The following CARD14 variants were observed in gnomAD, a reference collection of about 807,000 sequenced individuals.
CARD14 encodes caspase recruitment domain family member 14, also known as caspase recruitment domain-containing protein 14.
Under a neutral mutation model 111.5 loss-of-function variants are expected in CARD14, and 107 were observed. The observed-to-expected ratio is 0.96, with a 90% CI of 0.82 to 1.13. The LOEUF (loss-of-function observed/expected upper bound fraction) is 1.13. CARD14 is among the 50% of genes most tolerant of loss of function. The pLI is 0.00. For missense variants in CARD14, 1,322 were observed against 1,362.3 expected (o/e 0.97, Z 0.47); for synonymous variants, 617 against 579.6 (o/e 1.06, Z -0.93).
intron 14 of CARD14, among the ~76,000 whole-genome samples, chr17:80,197,787 A>G (rs73440136): frequency 0.012 from 1,795 of 152,312 alleles, 32 homozygotes; most frequent in African/African-American, 0.041. Flanking sequence ...ACAAAATAGC[A>G]TGTGGTGGTC....
intron 19 of CARD14, 162 bp downstream of exon 19, chr17:80,204,047 C>T: frequency 1.3e-6 from 1 of 796,522 alleles, no homozygotes; most frequent in Non-Finnish European, 2.0e-6. Flanking sequence ...GCAGGGTCTG[C>T]AGCCCCTGCC....
At chr17:80,171,889 G>T (rs1274534741) in intron 1 of CARD14, among the ~76,000 whole-genome samples, 1 of 152,174 alleles carries the variant, frequency 6.6e-6, no homozygotes, top group Non-Finnish European at 1.5e-5. Flanking sequence ...AGGGGCAGAG[G>T]GACAATCCAA....
At chr17:80,175,165 A>G (rs2039996953) in intron 2 of CARD14, among the ~76,000 whole-genome samples, 1 of 150,914 alleles carries the variant, frequency 6.6e-6, no homozygotes, top group African/African-American at 2.4e-5. Context: ...TTTTGTAGAG[A>G]CAGGGTTTCG....
At chr17:80,173,690 C>A (rs909323971) in intron 2 of CARD14, among the ~76,000 whole-genome samples, 2 of 151,784 alleles carry the variant, frequency 1.3e-5, no homozygotes, top group African/African-American at 4.8e-5. Flanking sequence ...CCTCTGCCTC[C>A]CAGGTTCAAG....
At position 80,205,898 on chromosome 17, in the gene CARD14, A is replaced by G. The variant is rs572408322; in HGVS notation, c.2691+246A>G. 4 of 421,550 alleles carry G rather than the reference A, an allele frequency of 9.5e-6. No homozygotes were observed. In the South Asian group the frequency reaches 2.1e-4, roughly 22 times the overall value. 26.1% of individuals were successfully genotyped at this position (421,550 alleles called of 1,614,324 possible). ...TTCCTCAGCTTGGGGGATGTTTAAT[A>G]GATATTTGTTCGAGAATGAATAAAT... On this transcript the variant is annotated intron_variant, in intron 22 of 23. Transcript: ENST00000648509.
At chr17:80,204,878 TG>T in intron 20 of CARD14, 156 bp from the exon 21 acceptor site, 1 of 628,504 alleles carries the variant, frequency 1.6e-6, no homozygotes, top group Non-Finnish European at 2.7e-6. Flanking sequence ...GCTATGGAAC[TG>T]GGAGTGAGTC....
rs140526773 is a variant in CARD14, at chr17:80,187,698, G to A, written c.676-679G>A. 2,642 of 965,032 alleles carry A rather than the reference G, an allele frequency of 2.7e-3. 1 individual carries two copies. The highest frequency in any genetic ancestry group is 3.6e-3 in the Admixed American group (59 of 16,254). 59.8% of individuals were successfully genotyped at this position (965,032 alleles called of 1,614,324 possible). A position where few individuals can be genotyped will look rare whatever the true frequency, so the allele number is the denominator to read the frequency against. ...CCCACCCCGACGTGCAGACTTCCCG[G>A]GCTTGCCTCACGGGGAAAGTCCTGC... On this transcript the variant is annotated intron_variant, in intron 7 of 23. Coordinates refer to ENST00000648509, the MANE Select transcript of CARD14 (RefSeq NM_001366385.1).
intron 1 of CARD14, among the ~76,000 whole-genome samples, chr17:80,171,083 C>T (rs1307321266): frequency 4.6e-5 from 7 of 150,964 alleles, no homozygotes; most frequent in African/African-American, 1.5e-4. Flanking sequence ...TCAGGTAATC[C>T]GCCCATCTTG....
chr17:80,183,993 G>T lies in CARD14; in HGVS notation c.430G>T (p.Gly144Trp). Reference protein sequence around the residue: ...SLQEELNQEKGQKEVLLRRCQ... With the variant: ...SLQEELNQEKWQKEVLLRRCQ... Reference sequence around the variant, plus strand: ...GCAGGAGGAGCTGAACCAGGAAAAGGGGCAGAAGGAGGTGCTGCTGCGGCG... The same window carrying T: ...GCAGGAGGAGCTGAACCAGGAAAAGTGGCAGAAGGAGGTGCTGCTGCGGCG... Residue 144 changes from glycine to tryptophan, a missense_variant, in exon 7 of 24, where the codon GGG (glycine) becomes TGG (tryptophan). Coordinates refer to ENST00000648509, the MANE Select transcript of CARD14 (RefSeq NM_001366385.1). 1 of 1,587,860 alleles carries T rather than the reference G, an allele frequency of 6.3e-7. No homozygotes were observed. The highest frequency in any genetic ancestry group is 8.6e-7 in the Non-Finnish European group (1 of 1,165,858).
intron 2 of CARD14, among the ~76,000 whole-genome samples, chr17:80,178,047 C>A (rs2040067447): frequency 6.6e-6 from 1 of 152,172 alleles, no homozygotes; most frequent in Non-Finnish European, 1.5e-5. Flanking sequence ...CAGTGAGAAA[C>A]AGGACTGAGA....
chr17:80,198,122 C>G lies in CARD14; in HGVS notation c.1618C>G (p.Leu540Val), dbSNP rs2040784317. The G allele has an allele frequency of 6.2e-7, 1 of 1,613,686 alleles. No individual in the cohort carries two copies. The highest frequency in any genetic ancestry group is 8.5e-7 in the Non-Finnish European group (1 of 1,180,008). The change falls in exon 15 of 24, where the codon CTG becomes GTG. Residue 540 changes from leucine to valine, a missense_variant. Transcript: ENST00000648509. The surrounding 1 kb of genome is among the most constrained non-coding windows in gnomAD (Gnocchi z 7.5). ...TADLPQLESS[L>V]QPVSPGRLDV... The stretch of plus-strand genomic sequence containing the variant: ...AGACCTTCCGCAGCTGGAAAGCAGC[C>G]TGCAGCCAGTCTCCCCTGGAAGGCT...
chr17:80,206,845 A>C, intron 22 of CARD14, 125 bp from the exon 23 acceptor site: 1 of 499,628 alleles, frequency 2.0e-6, no homozygotes, highest in South Asian at 3.5e-5. Context: ...TACAAAATTC[A>C]GCTCTGCCCA....
At position 80,209,156 on chromosome 17, in the gene CARD14, G is replaced by A; in HGVS notation, c.*811G>A. ...CCTTCAGGGCTCGGGGAGGACCCAG[G>A]TCCGCCAGCACCTGGCCTTGCCCCT... On this transcript the variant is annotated 3_prime_UTR_variant, in exon 24 of 24. Coordinates refer to ENST00000648509, the MANE Select transcript of CARD14 (RefSeq NM_001366385.1). The A allele has an allele frequency of 3.7e-6, 1 of 268,536 alleles. No homozygotes were observed. Among genetic ancestry groups the A allele is most frequent in the South Asian group, 1.4e-4 (1 of 7,022 alleles). 16.6% of individuals were successfully genotyped at this position (268,536 alleles called of 1,614,324 possible). A position where few individuals can be genotyped will look rare whatever the true frequency, so the allele number is the denominator to read the frequency against.
At position 80,201,577 on chromosome 17, in the gene CARD14, C is replaced by A; in HGVS notation, c.1852-167C>A. 1 of 699,748 alleles carries A rather than the reference C, an allele frequency of 1.4e-6. No individual in the cohort carries two copies. The highest frequency in any genetic ancestry group is 2.5e-6 in the Non-Finnish European group (1 of 394,958). 43.3% of individuals were successfully genotyped at this position (699,748 alleles called of 1,614,324 possible). ...GCACGCATCACTAGAGGTGTGAAGG[C>A]CCCACAGAGGCTCTGGTGTGTGGCT... On this transcript the variant is annotated intron_variant, in intron 16 of 23. Coordinates refer to ENST00000648509, the MANE Select transcript of CARD14 (RefSeq NM_001366385.1). The surrounding 1 kb of genome is among the most constrained non-coding windows in gnomAD (Gnocchi z 5.0).
At chr17:80,192,692 G>A (rs1372070160) in intron 12 of CARD14, 73 bp downstream of exon 12, 12 of 1,036,892 alleles carry the variant, frequency 1.2e-5, no homozygotes, top group Admixed American at 1.9e-5. Context: ...CTGTCAGGAC[G>A]AAAGTGAGCC....
In CARD14 at chr17:80,182,503, C is replaced by A; in HGVS notation, c.212-150C>A. The stretch of plus-strand genomic sequence containing the variant: ...AGCAGTGAGGGCGCGTCCCACCCAG[C>A]AGAACCCAGAAAACCGCTTTCACCT... On this transcript the variant is annotated intron_variant, in intron 5 of 23. Transcript: ENST00000648509. This position sits in a 1 kb window ranked among gnomAD's most constrained non-coding sequence, Gnocchi z 4.7. The A allele has an allele frequency of 1.2e-6, 1 of 857,784 alleles. No homozygotes were observed. The highest frequency in any genetic ancestry group is 1.7e-5 in the South Asian group (1 of 58,070). 53.1% of individuals were successfully genotyped at this position (857,784 alleles called of 1,614,324 possible).
rs550010679 is a variant in CARD14, at chr17:80,195,000, T to C, written c.1357-191T>C. Among the ~76,000 whole-genome samples, 14 of 152,314 alleles carry C rather than the reference T, an allele frequency of 9.2e-5. No homozygotes were observed. In the South Asian group the frequency reaches 2.5e-3, roughly 27 times the overall value. ...GCATGTGTCAGTGCTGTGTGCTAAT[T>C]GCATGTGACCCCAGTGTCTGGCATA... On this transcript the variant is annotated intron_variant, in intron 12 of 23. Transcript: ENST00000648509.
Position 80,195,592 on chromosome 17 carries a change from G to A in CARD14, c.1534G>A (p.Ala512Thr), listed in dbSNP as rs200536688. 4 of 1,612,936 alleles carry A rather than the reference G, an allele frequency of 2.5e-6. No individual in the cohort carries two copies. The highest frequency in any genetic ancestry group is 1.6e-4 in the Middle Eastern group (1 of 6,082). The change falls in exon 14 of 24, where the codon GCC becomes ACC. Residue 512 changes from alanine (A) to threonine (T), a missense_variant. Coordinates refer to ENST00000648509, the MANE Select transcript of CARD14 (RefSeq NM_001366385.1). The surrounding 1 kb of genome is among the most constrained non-coding windows in gnomAD (Gnocchi z 4.7). ...GGAGATCCCGGAGGGAGACCCGGGAGCCCTGCCGGGAGCTAAGGCAGGCGA... is the reference window on the plus strand; with the variant it reads ...GGAGATCCCGGAGGGAGACCCGGGAACCCTGCCGGGAGCTAAGGCAGGCGA... ...CLEIPEGDPG[A>T]LPGAKAGDPH...
Position 80,188,665 on chromosome 17 carries a change from G to A in CARD14, c.843+121G>A, listed in dbSNP as rs2040422324. 9.8e-7 allele frequency: 1 copy of A among 1,025,440 alleles called. No individual in the cohort carries two copies. Among genetic ancestry groups the A allele is most frequent in the African/African-American group, 1.7e-5 (1 of 59,986 alleles). 63.5% of individuals were successfully genotyped at this position (1,025,440 alleles called of 1,614,324 possible). ...GGCTAAGAACAAGAGATGAAATTTAGTGACTCATCTCACCCACTTTCTCTT... is the reference window on the plus strand; with the variant it reads ...GGCTAAGAACAAGAGATGAAATTTAATGACTCATCTCACCCACTTTCTCTT... On this transcript the variant is annotated intron_variant, in intron 8 of 23. Transcript: ENST00000648509. This position sits in a 1 kb window ranked among gnomAD's most constrained non-coding sequence, Gnocchi z 4.5.
Sources: allele counts gnomAD v4.1 joint callset (sites outside exome capture counted in the v4.1 genomes callset), GRCh38; gene constraint gnomAD v4.1.1; non-coding constraint Gnocchi (gnomAD v3.1); transcripts MANE v1.5; gene names NCBI Gene and HGNC (gene_info 2026-07-23, HGNC 2026-07-21).